Variants in SLC8A1 observed in about 807,000 individuals in gnomAD.
The protein encoded by SLC8A1 is sodium/calcium exchanger 1.
SLC8A1 carries 18 observed loss-of-function variants against 68.3 expected under a neutral mutation model. That is an observed-to-expected ratio of 0.26 (90% CI 0.18 to 0.39). The LOEUF (loss-of-function observed/expected upper bound fraction) is 0.39. Ranked by LOEUF, SLC8A1 falls within the 10% of genes least tolerant of loss-of-function variation. The pLI is 1.00. For missense variants in SLC8A1, 985 were observed against 1,156.7 expected (o/e 0.85, Z 2.15); for synonymous variants, 475 against 415.5 (o/e 1.14, Z -1.74).
chr2:40,280,095 A>G (rs771320743), intron 2 of SLC8A1, among the ~76,000 whole-genome samples: 1 of 152,106 alleles, frequency 6.6e-6, no homozygotes, highest in Non-Finnish European at 1.5e-5. Context: ...TTTAAACCCT[A>G]GCCTTTTAGA....
intron 1 of SLC8A1, among the ~76,000 whole-genome samples, chr2:40,465,166 G>A (rs1703592265): frequency 6.6e-6 from 1 of 152,160 alleles, no homozygotes; most frequent in African/African-American, 2.4e-5. Context: ...TAATACGAAA[G>A]TTGTTATGGA....
intron 6 of SLC8A1, among the ~76,000 whole-genome samples, chr2:40,145,067 T>A (rs1017566464): frequency 6.6e-6 from 1 of 152,194 alleles, no homozygotes; most frequent in African/African-American, 2.4e-5. Flanking sequence ...TGTCTCTCAT[T>A]GCCTGCCCCA....
chr2:40,388,281 T>A (rs1684223181), intron 2 of SLC8A1, among the ~76,000 whole-genome samples: 1 of 152,170 alleles, frequency 6.6e-6, no homozygotes, highest in African/African-American at 2.4e-5. Context: ...GTTTTATGGA[T>A]CACATTAATG....
intron 2 of SLC8A1, among the ~76,000 whole-genome samples, chr2:40,426,719 GGCTACCCTTATGA>G (rs1696945666): frequency 6.6e-6 from 1 of 151,804 alleles, no homozygotes; most frequent in South Asian, 2.1e-4. Flanking sequence ...TTGTTTTAAG[GGCTACCCTTATGA>G]GTTCATTTAA....
intron 2 of SLC8A1, among the ~76,000 whole-genome samples, chr2:40,188,269 A>G (rs1447046867): frequency 6.6e-6 from 1 of 151,310 alleles, no homozygotes; most frequent in Non-Finnish European, 1.5e-5. Context: ...TTAAATGCAG[A>G]TTCTCTAGAA....
rs115944777 is a variant in SLC8A1 at position 40,317,870 on chromosome 2, A to G, written c.1808+110603T>C. 3.7e-3 allele frequency among the ~76,000 whole-genome samples: 563 copies of G among 152,194 alleles called. 4 individuals carry two copies. The highest frequency in any genetic ancestry group is 0.013 in the African/African-American group (534 of 41,554). On this transcript the variant is annotated intron_variant, in intron 2 of 7. Coordinates refer to ENST00000406785, the Ensembl canonical transcript of SLC8A1. The stretch of plus-strand genomic sequence containing the variant: ...TTATTTTCATCATACTGAAAACCTG[A>G]TGCTGACCTTGGCTTCACTCCTCGA...
chr2:40,213,491 G>A (rs552023954), intron 2 of SLC8A1: 1 of 152,324 alleles, frequency 6.6e-6, no homozygotes, highest in East Asian at 1.9e-4. Flanking sequence ...TGAATGTCAT[G>A]TGTGACAGTT....
intron 2 of SLC8A1, among the ~76,000 whole-genome samples, chr2:40,414,060 C>T (rs776649371): frequency 6.6e-6 from 1 of 152,028 alleles, no homozygotes; most frequent in Non-Finnish European, 1.5e-5. Context: ...ATGGCATGAA[C>T]AATTTAGAAA....
chr2:40,324,959 C>T (rs775111431), intron 2 of SLC8A1, among the ~76,000 whole-genome samples: 1 of 152,038 alleles, frequency 6.6e-6, no homozygotes. Flanking sequence ...GGCCCTGGAT[C>T]TCTCCTCTCC....
At chr2:40,283,777 T>G (rs951307821) in intron 2 of SLC8A1, among the ~76,000 whole-genome samples, 19 of 152,156 alleles carry the variant, frequency 1.2e-4, no homozygotes, top group African/African-American at 4.6e-4. Flanking sequence ...CTTGACAGCG[T>G]TCCTAACAAT....
intron 1 of SLC8A1, among the ~76,000 whole-genome samples, chr2:40,448,572 T>C (rs1417699247): frequency 6.6e-6 from 1 of 152,200 alleles, no homozygotes; most frequent in Non-Finnish European, 1.5e-5. Context: ...TAGCCACCTT[T>C]ACTACCAAGA....
At chr2:40,490,182 A>AT (rs1321765655) in intron 1 of SLC8A1, among the ~76,000 whole-genome samples, 1 of 152,170 alleles carries the variant, frequency 6.6e-6, no homozygotes, top group Non-Finnish European at 1.5e-5. Flanking sequence ...ATCATTTGGA[A>AT]TATACAATCA....
At chr2:40,241,621 C>T (rs72794757) in intron 2 of SLC8A1, among the ~76,000 whole-genome samples, 2,493 of 152,306 alleles carry the variant, frequency 0.016, 48 homozygotes, top group African/African-American at 0.043. Flanking sequence ...GATTAACCTT[C>T]CTGCCTTTTC....
At chr2:40,265,538 T>A (rs1309568537) in intron 2 of SLC8A1, among the ~76,000 whole-genome samples, 1 of 152,094 alleles carries the variant, frequency 6.6e-6, no homozygotes, top group Middle Eastern at 3.2e-3. Flanking sequence ...ATGAGAAAGA[T>A]CCATTAGTTT....
At chr2:40,352,984 A>G (rs1417333097) in intron 2 of SLC8A1, among the ~76,000 whole-genome samples, 1 of 152,142 alleles carries the variant, frequency 6.6e-6, no homozygotes, top group Non-Finnish European at 1.5e-5. Flanking sequence ...CACTTACGGA[A>G]GGTCCACACC....
At chr2:40,392,370 G>A (rs1384867732) in intron 2 of SLC8A1, among the ~76,000 whole-genome samples, 1 of 152,016 alleles carries the variant, frequency 6.6e-6, no homozygotes, top group Non-Finnish European at 1.5e-5. Flanking sequence ...ACTCAACAGA[G>A]AACCAATAGC....
At chr2:40,510,059 C>T (rs920025766) in intron 1 of SLC8A1, among the ~76,000 whole-genome samples, 1 of 152,160 alleles carries the variant, frequency 6.6e-6, no homozygotes, top group Non-Finnish European at 1.5e-5. Flanking sequence ...ATCTCTTGAC[C>T]TCATGGTCTG....
intron 7 of SLC8A1, among the ~76,000 whole-genome samples, chr2:40,136,222 C>A (rs552634736): frequency 2.0e-5 from 3 of 152,162 alleles, no homozygotes; most frequent in Admixed American, 6.5e-5. Flanking sequence ...TCTCTATTCA[C>A]AGGCACGGGT....
intron 2 of SLC8A1, among the ~76,000 whole-genome samples, chr2:40,355,797 C>T (rs1308140330): frequency 6.6e-6 from 1 of 152,158 alleles, no homozygotes; most frequent in Non-Finnish European, 1.5e-5. Context: ...TTGGCATTTG[C>T]TTTCTCTGGT....
Sources: allele counts gnomAD v4.1 joint callset (sites outside exome capture counted in the v4.1 genomes callset), GRCh38; gene constraint gnomAD v4.1.1; transcripts MANE v1.5; gene names NCBI Gene and HGNC (gene_info 2026-07-23, HGNC 2026-07-21).